Variants in MGAT4C observed in about 807,000 individuals in gnomAD.
MGAT4C encodes MGAT4 family member C.
In MGAT4C, 19 loss-of-function variants were observed where a neutral mutation model predicts 40.1. The observed-to-expected ratio is 0.47, with a 90% CI of 0.33 to 0.70. The LOEUF is 0.70. MGAT4C is among the 30% of genes least tolerant of loss of function. MGAT4C has a pLI of 0.02. For synonymous variants in MGAT4C, 181 were observed against 187.1 expected (o/e 0.97, Z 0.27); for missense variants, 491 against 563.2 (o/e 0.87, Z 1.30).
intron 2 of MGAT4C, among the ~76,000 whole-genome samples, chr12:86,442,059 C>A (rs1235198003): frequency 6.6e-6 from 1 of 152,112 alleles, no homozygotes; most frequent in Non-Finnish European, 1.5e-5. Context: ...GATGGTATCT[C>A]ATTGTGGTTT....
At position 86,306,961 on chromosome 12, in the gene MGAT4C, A is replaced by G. The variant is rs193237453; in HGVS notation, c.-57+27104T>C. On this transcript the variant is annotated intron_variant, in intron 4 of 7. Transcript: ENST00000548651. ...TTTCAGTATGTTTGAAAATTTTCAT[A>G]ACAAAATGTTGAAAAATTTTAATAA... Among the ~76,000 whole-genome samples, 255 of 150,652 alleles carry G rather than the reference A, an allele frequency of 1.7e-3. 7 individuals are homozygous for G. Among genetic ancestry groups the G allele is most frequent in the Admixed American group, 5.4e-3 (83 of 15,234 alleles).
At chr12:85,990,354 A>G (rs1019177472) in intron 2 of MGAT4C, among the ~76,000 whole-genome samples, 1 of 152,178 alleles carries the variant, frequency 6.6e-6, no homozygotes, top group African/African-American at 2.4e-5. Flanking sequence ...TTTATAAAAA[A>G]GTATAAACAT....
chr12:86,098,804 G>T (rs1055717550), intron 1 of MGAT4C, among the ~76,000 whole-genome samples: 1 of 151,564 alleles, frequency 6.6e-6, no homozygotes, highest in African/African-American at 2.4e-5. Context: ...TGCACATAAT[G>T]TTTGTGAGAG....
At chr12:86,017,345 C>T (rs534860112) in intron 2 of MGAT4C, among the ~76,000 whole-genome samples, 31 of 152,120 alleles carry the variant, frequency 2.0e-4, no homozygotes, top group African/African-American at 7.5e-4. Context: ...CCTGATATGA[C>T]CCAGATCTGT....
At chr12:86,328,803 A>G (rs868169221) in intron 4 of MGAT4C, among the ~76,000 whole-genome samples, 7 of 152,100 alleles carry the variant, frequency 4.6e-5, no homozygotes, top group Middle Eastern at 3.2e-3. Context: ...TCATAAGCTG[A>G]CTTTAAAATA....
chr12:86,717,601 A>T (rs1381949929), intron 2 of MGAT4C, among the ~76,000 whole-genome samples: 1 of 152,144 alleles, frequency 6.6e-6, no homozygotes, highest in Non-Finnish European at 1.5e-5. Context: ...TTTCTGAGAG[A>T]AAATAAAAAC....
chr12:86,512,204 CA>C (rs1480026122), intron 2 of MGAT4C, among the ~76,000 whole-genome samples: 1 of 152,020 alleles, frequency 6.6e-6, no homozygotes, highest in African/African-American at 2.4e-5. Flanking sequence ...AAATCCAAAT[CA>C]AACTCACAAT....
In MGAT4C at chr12:85,959,908, A is replaced by C. The variant is rs1221417274; in HGVS notation, c.*19381T>G. The C allele has an allele frequency of 6.6e-6, 1 of 151,770 alleles. No individual in the cohort carries two copies. Among genetic ancestry groups the C allele is most frequent in the Non-Finnish European group, 1.5e-5 (1 of 67,872 alleles). The allele number at this position is 151,770 out of a possible 1,614,324, so 9.4% of individuals were successfully genotyped here. A position where few individuals can be genotyped will look rare whatever the true frequency, so the allele number is the denominator to read the frequency against. On this transcript the variant is annotated 3_prime_UTR_variant, in exon 5 of 5. Transcript: ENST00000611864. ...ATTAAAGGATTAAAATCCACCTCTA[A>C]ACTTATTTAGATCAAGGTCAGTTTT...
chr12:86,398,767 T>C (rs12317113), intron 3 of MGAT4C, among the ~76,000 whole-genome samples: 96,973 of 151,402 alleles, frequency 0.64, 31,723 homozygotes, highest in South Asian at 0.77. Context: ...CCTTTCTGTC[T>C]TGGAGTTGGA....
chr12:86,244,064 T>C (rs543158035), intron 1 of MGAT4C, among the ~76,000 whole-genome samples: 13 of 152,218 alleles, frequency 8.5e-5, no homozygotes, highest in South Asian at 6.2e-4. Flanking sequence ...TGAATTAAGA[T>C]GAAAGAAATG....
intron 3 of MGAT4C, among the ~76,000 whole-genome samples, chr12:86,424,585 A>G (rs1956890373): frequency 6.6e-6 from 1 of 152,172 alleles, no homozygotes; most frequent in Non-Finnish European, 1.5e-5. Context: ...CAGCTTCTGA[A>G]GCAATGAAAT....
intron 3 of MGAT4C, among the ~76,000 whole-genome samples, chr12:86,421,129 G>A (rs80054580): frequency 0.019 from 2,941 of 151,884 alleles, 88 homozygotes; most frequent in African/African-American, 0.067. Context: ...TTTAAACTTG[G>A]GTCTTCTTTG....
intron 1 of MGAT4C, among the ~76,000 whole-genome samples, chr12:86,739,861 CACACACACACACATATAT>C (rs1304959654): frequency 6.6e-6 from 1 of 150,454 alleles, no homozygotes; most frequent in Non-Finnish European, 1.5e-5. Flanking sequence ...CACACAAACA[CACACACACACACATATAT>C]ATACACACAC....
At chr12:86,636,541 G>A in intron 2 of MGAT4C, among the ~76,000 whole-genome samples, 1 of 151,954 alleles carries the variant, frequency 6.6e-6, no homozygotes, top group Non-Finnish European at 1.5e-5. Context: ...TATAAGAAAA[G>A]AAACCAGAGC....
At chr12:86,680,498 C>T (rs1949961803) in intron 2 of MGAT4C, among the ~76,000 whole-genome samples, 1 of 152,002 alleles carries the variant, frequency 6.6e-6, no homozygotes, top group Admixed American at 6.6e-5. Flanking sequence ...CAGAGCTAAG[C>T]TTCAGGACTA....
intron 3 of MGAT4C, among the ~76,000 whole-genome samples, chr12:86,381,526 G>A (rs1202087629): frequency 1.3e-5 from 2 of 152,110 alleles, no homozygotes; most frequent in Admixed American, 6.6e-5. Flanking sequence ...TTCACCTTCT[G>A]TAGAGACTGT....
At chr12:86,199,196 A>G (rs1165114703) in intron 1 of MGAT4C, among the ~76,000 whole-genome samples, 2 of 152,176 alleles carry the variant, frequency 1.3e-5, no homozygotes, top group East Asian at 1.9e-4. Context: ...AATAGGAACC[A>G]TATCAGTGAC....
At chr12:86,765,960 T>G (rs1951499399) in intron 1 of MGAT4C, among the ~76,000 whole-genome samples, 1 of 152,126 alleles carries the variant, frequency 6.6e-6, no homozygotes, top group Admixed American at 6.5e-5. Context: ...CTGCATCAAC[T>G]AATGAGTAAA....
chr12:86,712,717 C>G (rs868707379), intron 2 of MGAT4C, among the ~76,000 whole-genome samples: 1 of 152,016 alleles, frequency 6.6e-6, no homozygotes, highest in African/African-American at 2.4e-5. Flanking sequence ...AATCGAGTAG[C>G]CAGGGTGCTT....
Sources: allele counts gnomAD v4.1 joint callset (sites outside exome capture counted in the v4.1 genomes callset), GRCh38; gene constraint gnomAD v4.1.1; transcripts MANE v1.5; gene names NCBI Gene and HGNC (gene_info 2026-07-23, HGNC 2026-07-21).